REV1: variants seen among roughly 807,000 people sequenced by gnomAD.
The protein encoded by REV1 is translesion synthesis protein REV1.
In REV1, 42 loss-of-function variants were observed where a neutral mutation model predicts 137.4. The ratio of observed to expected loss-of-function variants is 0.31; its 90% CI spans 0.24 to 0.40. The LOEUF (loss-of-function observed/expected upper bound fraction) is 0.40, where lower values mean the gene tolerates loss of function less well. REV1 is among the 10% of genes least tolerant of loss of function. The probability of loss-of-function intolerance (pLI) is 1.00; values close to 1 mark genes in which losing one functional copy is unlikely to be tolerated. For synonymous variants in REV1, 524 were observed against 519.2 expected, an observed-to-expected ratio of 1.01 and a Z score of -0.12; for missense variants, 1,282 against 1,490.1, an observed-to-expected ratio of 0.86 and a Z score of 2.30.
At position 99,438,674 on chromosome 2, in the gene REV1, A is replaced by G. The variant is rs1681076528; in HGVS notation, c.1140T>C (p.Asn380=). 8 of 1,614,134 alleles carry G rather than the reference A, an allele frequency of 5.0e-6. No individual in the cohort carries two copies. The highest frequency in any genetic ancestry group is 1.7e-5 in the Admixed American group (1 of 60,020). ...ACTTTTCCCTTCCTGGAAAGATACCATTACTTTGTCTTTGTAGGGTATTGA... is the reference window on the plus strand; with the variant it reads ...ACTTTTCCCTTCCTGGAAAGATACCGTTACTTTGTCTTTGTAGGGTATTGA... ...EFVNTLQRQS[N]GIFPGREKLK... The change falls in exon 6 of 23, where the codon AAT becomes AAC. Residue 380 remains asparagine, a synonymous_variant. Transcript: ENST00000258428.
chr2:99,408,591 ACT>A (rs1473720033), intron 14 of REV1, among the ~76,000 whole-genome samples: 1 of 152,012 alleles, frequency 6.6e-6, no homozygotes, highest in Non-Finnish European at 1.5e-5. Context: ...TTGTTTCTTG[ACT>A]CTCCTTTCAT....
chr2:99,435,565 G>C (rs1680636564), intron 7 of REV1: 1 of 209,168 alleles, frequency 4.8e-6, no homozygotes, highest in Non-Finnish European at 9.4e-6. Flanking sequence ...TAAAAATTTA[G>C]AAAATGCCCA....
chr2:99,404,473 T>G lies in REV1; in HGVS notation c.3016A>C (p.Asn1006His). 6.2e-7 allele frequency: 1 copy of G among 1,614,076 alleles called. No individual in the cohort carries two copies. Among genetic ancestry groups the G allele is most frequent in the East Asian group, 2.2e-5 (1 of 44,886 alleles). ...GAAAATGCTGGAAGGGCTATTAAAT[T>G]TATTCCTGCGTCACTGTTCGATTCT... Reference protein sequence around the residue: ...PQESNSDAGINLIALPAFSQV... With the variant: ...PQESNSDAGIHLIALPAFSQV... The change falls in exon 18 of 23, where the codon AAT becomes CAT. Residue 1006 changes from asparagine (N) to histidine (H), a missense_variant. This residue lies in a region of REV1 where 135 missense variants were observed against 123.3 expected (regional missense o/e 1.10). Coordinates refer to ENST00000258428, the MANE Select transcript of REV1 (RefSeq NM_016316.4).
chr2:99,419,035 A>G, intron 11 of REV1, 88 bp from the exon 12 acceptor site: 1 of 1,087,552 alleles, frequency 9.2e-7, no homozygotes. Flanking sequence ...TTATCCATCA[A>G]GTTTCTAAAA....
intron 9 of REV1, among the ~76,000 whole-genome samples, chr2:99,425,459 G>C (rs1385177450): frequency 6.6e-6 from 1 of 152,086 alleles, no homozygotes; most frequent in Admixed American, 6.5e-5. Flanking sequence ...CTGGGTATAG[G>C]ATGGCAAATA....
At chr2:99,405,659 G>T in intron 17 of REV1, 1 of 318,444 alleles carries the variant, frequency 3.1e-6, no homozygotes, top group Admixed American at 4.7e-5. Context: ...GCAGTCCACA[G>T]GAGGACTGCC....
intron 1 of REV1, among the ~76,000 whole-genome samples, chr2:99,472,465 A>C (rs1439972317): frequency 6.6e-6 from 1 of 152,232 alleles, no homozygotes; most frequent in African/African-American, 2.4e-5. Context: ...TGATGGTTGC[A>C]CAACAATGTG....
At chr2:99,429,707 A>T (rs1429905245) in intron 9 of REV1, 133 bp downstream of exon 9, 3 of 515,500 alleles carry the variant, frequency 5.8e-6, no homozygotes, top group Non-Finnish European at 9.6e-6. Flanking sequence ...CATAGATGAG[A>T]TGATTAAGGC....
At chr2:99,469,236 T>C (rs545768085) in intron 1 of REV1, among the ~76,000 whole-genome samples, 2 of 152,296 alleles carry the variant, frequency 1.3e-5, no homozygotes, top group African/African-American at 4.8e-5. Context: ...GTTTTAGGTT[T>C]AGGGTCTGAA....
chr2:99,472,221 G>A (rs777857024), intron 1 of REV1, among the ~76,000 whole-genome samples: 1 of 152,158 alleles, frequency 6.6e-6, no homozygotes, highest in Non-Finnish European at 1.5e-5. Context: ...ATACTATTCA[G>A]CCTTAAAAGG....
chr2:99,402,165 A>C, intron 22 of REV1, 79 bp downstream of exon 22: 1 of 641,328 alleles, frequency 1.6e-6, no homozygotes. Flanking sequence ...TTTCCCAGAA[A>C]GTTTAAAACA....
At chr2:99,445,462 T>C (rs531073856) in intron 4 of REV1, among the ~76,000 whole-genome samples, 2 of 152,324 alleles carry the variant, frequency 1.3e-5, no homozygotes, top group African/African-American at 4.8e-5. Context: ...TACAAGGTTC[T>C]CAATCTACAA....
chr2:99,425,283 T>G (rs1679192928), intron 9 of REV1, among the ~76,000 whole-genome samples: 1 of 152,166 alleles, frequency 6.6e-6, no homozygotes, highest in African/African-American at 2.4e-5. Context: ...TCCAAGTTAC[T>G]CAGCAGTAGA....
intron 2 of REV1, 50 bp from the exon 3 acceptor site, chr2:99,462,672 CCCT>C (rs750932179): frequency 2.0e-5 from 31 of 1,567,512 alleles, no homozygotes; most frequent in South Asian, 1.5e-4. Flanking sequence ...ATTTTCTCCC[CCCT>C]TTTTTGAAAA....
chr2:99,443,534 T>G (rs1214542966), intron 4 of REV1, among the ~76,000 whole-genome samples: 2 of 152,122 alleles, frequency 1.3e-5, no homozygotes, highest in Non-Finnish European at 2.9e-5. Context: ...TACTAACAGA[T>G]TCTAAAAACG....
At chr2:99,438,065 C>T (rs561073259) in intron 6 of REV1, among the ~76,000 whole-genome samples, 1 of 152,216 alleles carries the variant, frequency 6.6e-6, no homozygotes, top group East Asian at 1.9e-4. Context: ...AAACAGTATG[C>T]TACTGTGTGT....
At chr2:99,451,914 T>C (rs1159405429) in intron 3 of REV1, among the ~76,000 whole-genome samples, 1 of 152,072 alleles carries the variant, frequency 6.6e-6, no homozygotes, top group Non-Finnish European at 1.5e-5. Flanking sequence ...GCATGCTAAC[T>C]GTTGGCATGC....
At chr2:99,438,337 G>A (rs1169642828) in intron 6 of REV1, among the ~76,000 whole-genome samples, 1 of 152,148 alleles carries the variant, frequency 6.6e-6, no homozygotes, top group South Asian at 2.1e-4. Flanking sequence ...TAAGGTCTAC[G>A]TGAGGAATGA....
intron 14 of REV1, chr2:99,408,341 A>G: frequency 2.7e-6 from 1 of 368,216 alleles, no homozygotes; most frequent in Non-Finnish European, 4.8e-6. Flanking sequence ...AAATTATGGA[A>G]CACTAGAACT....
Sources: gnomAD v4.1 joint callset for allele counts (sites outside exome capture counted in the v4.1 genomes callset) on GRCh38, gnomAD v4.1.1 for gene constraint, gnomAD v4.1.1 regional missense constraint, MANE v1.5 for transcripts, NCBI Gene and HGNC (gene_info 2026-07-23, HGNC 2026-07-21) for gene names.